The following ENPP3 variants were observed in gnomAD, a reference collection of about 807,000 sequenced individuals.
ENPP3 encodes the protein ectonucleotide pyrophosphatase/phosphodiesterase 3.
ENPP3 carries 104 observed loss-of-function variants against 117.8 expected under a neutral mutation model. That is an observed-to-expected ratio of 0.88 (90% CI 0.75 to 1.04). The LOEUF (loss-of-function observed/expected upper bound fraction) is 1.04. ENPP3 is among the 50% of genes least tolerant of loss of function. The pLI, the probability that ENPP3 is intolerant of heterozygous loss-of-function variation, is 0.00. For missense variants in ENPP3, 1,026 were observed against 1,051.9 expected, an observed-to-expected ratio of 0.98 and a Z score of 0.34; for synonymous variants, 380 against 349.9, an observed-to-expected ratio of 1.09 and a Z score of -0.96.
At chr6:131,728,832 A>T (rs1267152124) in intron 20 of ENPP3, among the ~76,000 whole-genome samples, 1 of 152,174 alleles carries the variant, frequency 6.6e-6, no homozygotes, top group African/African-American at 2.4e-5. Flanking sequence ...AGAACAGCTG[A>T]TTCAAAACCA....
intron 6 of ENPP3, 68 bp downstream of exon 6, chr6:131,658,488 C>G (rs967535069): frequency 2.1e-5 from 18 of 843,682 alleles, no homozygotes; most frequent in South Asian, 2.9e-5. Context: ...CTAGAGGATG[C>G]AACTTTCTTT....
In ENPP3 at chr6:131,652,527, TG is replaced by T. The variant is rs1360148458; in HGVS notation, c.278-14del. 6.2e-7 allele frequency: 1 copy of T among 1,613,748 alleles called. No individual in the cohort carries two copies. The highest frequency in any genetic ancestry group is 1.1e-5 in the South Asian group (1 of 91,050). On this transcript the variant is annotated splice_polypyrimidine_tract_variant and intron_variant, in intron 3 of 24. Coordinates refer to ENST00000357639, the MANE Select transcript of ENPP3 (RefSeq NM_005021.5). ...CAGGCTTAAATGCTCAGAACTGAATTGTATCGTTTTACAGCTCGAATATGGA... is the reference window on the plus strand; with the variant it reads ...CAGGCTTAAATGCTCAGAACTGAATTTATCGTTTTACAGCTCGAATATGGA...
chr6:131,667,334 G>T (rs763054992), intron 6 of ENPP3, among the ~76,000 whole-genome samples: 1 of 152,102 alleles, frequency 6.6e-6, no homozygotes, highest in Non-Finnish European at 1.5e-5. Context: ...TAAAGTTGGG[G>T]CATTGGACAC....
intron 2 of ENPP3, among the ~76,000 whole-genome samples, chr6:131,646,312 TTA>T (rs1196922219): frequency 1.3e-4 from 18 of 139,552 alleles, no homozygotes; most frequent in Admixed American, 6.9e-4. Context: ...GTGTGTGTTG[TTA>T]TTTTAACTCT....
At chr6:131,746,683 TA>T in intron 24 of ENPP3, 102 bp from the exon 25 acceptor site, 1 of 995,876 alleles carries the variant, frequency 1.0e-6, no homozygotes, top group Non-Finnish European at 1.5e-6. Flanking sequence ...TTTAAGGAGG[TA>T]AAAATCATCG....
intron 21 of ENPP3, 46 bp downstream of exon 21, chr6:131,733,769 C>G: frequency 6.3e-7 from 1 of 1,595,520 alleles, no homozygotes; most frequent in Non-Finnish European, 8.6e-7. Context: ...AAGCTCTCAT[C>G]AGCTGGATGT....
At chr6:131,720,723 A>C (rs1166045343) in intron 17 of ENPP3, among the ~76,000 whole-genome samples, 1 of 152,172 alleles carries the variant, frequency 6.6e-6, no homozygotes, top group Non-Finnish European at 1.5e-5. Context: ...CTGGGATTAC[A>C]GGTGTGAACC....
intron 15 of ENPP3, 139 bp from the exon 16 acceptor site, chr6:131,718,533 T>A: frequency 2.4e-6 from 1 of 409,338 alleles, no homozygotes; most frequent in Non-Finnish European, 4.4e-6. Flanking sequence ...CTGTTGTTGA[T>A]AGAAAAATAT....
At chr6:131,695,929 A>T (rs918560699) in intron 15 of ENPP3, among the ~76,000 whole-genome samples, 19 of 151,090 alleles carry the variant, frequency 1.3e-4, no homozygotes, top group African/African-American at 4.6e-4. Flanking sequence ...AAAAAAAGAG[A>T]ATCTAATCTG....
chr6:131,727,067 G>T (rs1431623893), intron 20 of ENPP3, among the ~76,000 whole-genome samples: 1 of 152,082 alleles, frequency 6.6e-6, no homozygotes, highest in Non-Finnish European at 1.5e-5. Flanking sequence ...AGTTGTAGAT[G>T]GAACAATATA....
chr6:131,675,198 G>A lies in ENPP3; in HGVS notation c.872+9G>A, dbSNP rs1778840685. 7.0e-7 allele frequency: 1 copy of A among 1,437,090 alleles called. No individual in the cohort carries two copies. Among genetic ancestry groups the A allele is most frequent in the South Asian group, 1.1e-5 (1 of 87,318 alleles). The allele number at this position is 1,437,090 out of a possible 1,614,324, so 89.0% of individuals were successfully genotyped here. ...TACATGCCTTACAACGGGTAGTGAA[G>A]CACTTTCAGATATTCTCCCAGCTAG... On this transcript the variant is annotated intron_variant, in intron 9 of 24. Coordinates refer to ENST00000357639, the MANE Select transcript of ENPP3 (RefSeq NM_005021.5).
intron 9 of ENPP3, 73 bp from the exon 10 acceptor site, chr6:131,676,663 C>T: frequency 9.9e-7 from 1 of 1,010,566 alleles, no homozygotes; most frequent in Non-Finnish European, 1.6e-6. Context: ...ATTAAACTTT[C>T]TGAATAGGAA....
At chr6:131,705,187 GTGCTTATGC>G (rs1779613196) in intron 15 of ENPP3, among the ~76,000 whole-genome samples, 1 of 98,144 alleles carries the variant, frequency 1.0e-5, no homozygotes, top group Non-Finnish European at 2.0e-5. Flanking sequence ...TTATGTGGAC[GTGCTTATGC>G]TGCCCTAAAA....
chr6:131,726,015 A>T, intron 19 of ENPP3, 31 bp from the exon 20 acceptor site: 2 of 1,544,332 alleles, frequency 1.3e-6, no homozygotes, highest in South Asian at 2.3e-5. Flanking sequence ...AATTTCATGA[A>T]CCTTTTTATT....
At chr6:131,656,893 C>T (rs1186462140) in intron 5 of ENPP3, among the ~76,000 whole-genome samples, 1 of 152,056 alleles carries the variant, frequency 6.6e-6, no homozygotes, top group East Asian at 1.9e-4. Context: ...AATGCACTCT[C>T]TAGTTAGCTT....
intron 2 of ENPP3, among the ~76,000 whole-genome samples, chr6:131,644,786 C>G (rs1778122041): frequency 6.6e-6 from 1 of 152,038 alleles, no homozygotes; most frequent in Non-Finnish European, 1.5e-5. Context: ...AACCATGAGA[C>G]TGGGGTAGAA....
chr6:131,688,927 G>A (rs189911173), intron 14 of ENPP3, among the ~76,000 whole-genome samples: 66 of 151,118 alleles, frequency 4.4e-4, no homozygotes, highest in African/African-American at 1.5e-3. Context: ...ATAGCCAGGC[G>A]TGGTTTTGGG....
intron 6 of ENPP3, among the ~76,000 whole-genome samples, chr6:131,668,151 A>G (rs955994067): frequency 2.0e-5 from 3 of 151,594 alleles, no homozygotes; most frequent in Admixed American, 6.6e-5. Flanking sequence ...CAGTCTTATA[A>G]GAATTTCATA....
intron 15 of ENPP3, among the ~76,000 whole-genome samples, chr6:131,704,003 TA>T (rs1346163873): frequency 6.6e-6 from 1 of 151,340 alleles, no homozygotes; most frequent in Non-Finnish European, 1.5e-5. Flanking sequence ...AGAATGAGAC[TA>T]AGGCAAGAAC....
Sources: allele counts gnomAD v4.1 joint callset (sites outside exome capture counted in the v4.1 genomes callset), GRCh38; gene constraint gnomAD v4.1.1; transcripts MANE v1.5; gene names NCBI Gene and HGNC (gene_info 2026-07-23, HGNC 2026-07-21).